The following LIPH variants were observed in gnomAD, a reference collection of about 807,000 sequenced individuals.
LIPH encodes the protein lipase H, also known as lipase member H.
Under a neutral mutation model 47.6 loss-of-function variants are expected in LIPH, and 32 were observed. That is an observed-to-expected ratio of 0.67 (90% confidence interval 0.51 to 0.90). The LOEUF (loss-of-function observed/expected upper bound fraction) is 0.90, where lower values mean the gene tolerates loss of function less well. Ranked by LOEUF, LIPH falls within the 40% of genes least tolerant of loss-of-function variation. The pLI is 0.00. For synonymous variants in LIPH, 190 were observed against 195.6 expected, an observed-to-expected ratio of 0.97 and a Z score of 0.24; for missense variants, 497 against 541.4, an observed-to-expected ratio of 0.92 and a Z score of 0.81.
chr3:185,511,738 C>T lies in LIPH; in HGVS notation c.1095-41G>A, dbSNP rs114080512. 2,269 of 1,458,276 alleles carry T rather than the reference C, an allele frequency of 1.6e-3. 24 individuals are homozygous for T. The African/African-American group carries it at 0.028, about 18-fold the overall frequency. The allele number at this position is 1,458,276 out of a possible 1,614,324, so 90.3% of individuals were successfully genotyped here. On this transcript the variant is annotated intron_variant, in intron 8 of 9. Transcript: ENST00000296252. ...AATACTGAAAAATGGATAAAGACTA[C>T]TAATGAGAGAAAGCAGTTTTGAAGC...
At chr3:185,532,049 A>G (rs911284705) in intron 3 of LIPH, among the ~76,000 whole-genome samples, 2 of 152,186 alleles carry the variant, frequency 1.3e-5, no homozygotes, top group Non-Finnish European at 2.9e-5. Flanking sequence ...AAAAATGTTC[A>G]GATAAGAATC....
intron 1 of LIPH, among the ~76,000 whole-genome samples, chr3:185,540,335 G>T (rs185219437): frequency 1.3e-3 from 200 of 152,114 alleles, no homozygotes; most frequent in African/African-American, 3.9e-3. Flanking sequence ...GTTTTATCAG[G>T]GGTTCTTTTG....
In LIPH at chr3:185,511,268, G is replaced by A. The variant is rs142118017; in HGVS notation, c.1268+256C>T. On this transcript the variant is annotated intron_variant, in intron 9 of 9. Coordinates refer to ENST00000296252, the MANE Select transcript of LIPH (RefSeq NM_139248.3). ...TTTTGTAGAGACAGGGTCTCCATAC[G>A]TTGCCCAGGCTGGCTAGAACTCCTG... Among the ~76,000 whole-genome samples, 74 of 151,578 alleles carry A rather than the reference G, an allele frequency of 4.9e-4. 1 individual carries two copies. Among genetic ancestry groups the A allele is most frequent in the Non-Finnish European group, 8.0e-4 (54 of 67,904 alleles).
chr3:185,547,822 T>C (rs1305437106), intron 1 of LIPH, among the ~76,000 whole-genome samples: 1 of 135,276 alleles, frequency 7.4e-6, no homozygotes, highest in African/African-American at 2.7e-5. Context: ...CAAAACTCCA[T>C]CTCCAAAAAA....
intron 8 of LIPH, among the ~76,000 whole-genome samples, chr3:185,512,332 C>T (rs1342695710): frequency 6.6e-6 from 1 of 151,980 alleles, no homozygotes; most frequent in Non-Finnish European, 1.5e-5. Context: ...TCCTGTTATC[C>T]AAGTGTATAG....
intron 1 of LIPH, among the ~76,000 whole-genome samples, chr3:185,547,750 G>C (rs1006834077): frequency 6.6e-6 from 1 of 151,644 alleles, no homozygotes; most frequent in African/African-American, 2.4e-5. Context: ...GCTTGAATCT[G>C]GGAGGCAGAG....
chr3:185,524,142 G>A lies in LIPH; in HGVS notation c.647C>T (p.Pro216Leu). 5.6e-6 allele frequency: 9 copies of A among 1,612,030 alleles called. No homozygotes were observed. The highest frequency in any genetic ancestry group is 7.6e-6 in the Non-Finnish European group (9 of 1,178,118). The change falls in exon 5 of 10, where the codon CCA becomes CTA. Residue 216 changes from proline (P) to leucine (L), a missense_variant. By Grantham distance (98) the Pro-to-Leu change is moderately conservative. Transcript: ENST00000296252. Reference protein sequence around the residue: ...SDTDALGYKEPLGNIDFYPNG... With the variant: ...SDTDALGYKELLGNIDFYPNG... ...TGGGTAGAAGTCTATGTTTCCTAAT[G>A]GCTCCTTGTAGCCCAGTGCTAAAAG...
At position 185,511,599 on chromosome 3, in the gene LIPH, G is replaced by A. The variant is rs145905764; in HGVS notation, c.1193C>T (p.Thr398Ile). The A allele has an allele frequency of 9.3e-6, 15 of 1,613,672 alleles. No homozygotes were observed. In the South Asian group the frequency reaches 1.5e-4, roughly 17 times the overall value. ...KVAAISLMFS[T>I]GSLIGPRYKL... The stretch of plus-strand genomic sequence containing the variant: ...GTACCTTGGGCCTATTAGAGATCCT[G>A]TAGAGAACATCAAGGAAATTGCAGC... The change falls in exon 9 of 10, where the codon ACA becomes ATA. Residue 398 changes from threonine to isoleucine, a missense_variant. Coordinates refer to ENST00000296252, the MANE Select transcript of LIPH (RefSeq NM_139248.3).
intron 1 of LIPH, among the ~76,000 whole-genome samples, chr3:185,539,770 T>C (rs1317200005): frequency 1.3e-5 from 2 of 152,230 alleles, no homozygotes; most frequent in African/African-American, 4.8e-5. Context: ...TATTAACATT[T>C]ATTGGCATAA....
intron 3 of LIPH, among the ~76,000 whole-genome samples, chr3:185,532,180 A>G (rs1051079277): frequency 6.6e-6 from 1 of 152,128 alleles, no homozygotes; most frequent in African/African-American, 2.4e-5. Context: ...CATACCCGAG[A>G]TCAACATAAA....
intron 4 of LIPH, among the ~76,000 whole-genome samples, chr3:185,524,685 G>A (rs1211786052): frequency 6.6e-6 from 1 of 151,840 alleles, no homozygotes; most frequent in Non-Finnish European, 1.5e-5. Context: ...TCCTGACCTC[G>A]CGATCTGCCC....
chr3:185,535,255 G>T, intron 1 of LIPH, 123 bp from the exon 2 acceptor site: 1 of 1,175,098 alleles, frequency 8.5e-7, no homozygotes, highest in Non-Finnish European at 1.2e-6. Context: ...CTAAGGGCTG[G>T]ATCCAGTTGA....
Position 185,536,852 on chromosome 3 carries a change from A to G in LIPH, c.50-1720T>C, listed in dbSNP as rs1720517608. Among the ~76,000 whole-genome samples the G allele has an allele frequency of 2.0e-5, 3 of 152,140 alleles. No homozygotes were observed. In the South Asian group the frequency reaches 6.2e-4, roughly 32 times the overall value. ...TAGGATTTCTGCTTTCATGAAGTTA[A>G]AGAGACTTATTTAGGACTAAAACCT... On this transcript the variant is annotated intron_variant, in intron 1 of 9. Coordinates refer to ENST00000296252, the MANE Select transcript of LIPH (RefSeq NM_139248.3).
chr3:185,543,465 T>C (rs950463625), intron 1 of LIPH, among the ~76,000 whole-genome samples: 15 of 152,214 alleles, frequency 9.9e-5, no homozygotes, highest in African/African-American at 3.4e-4. Flanking sequence ...GACAAAAATA[T>C]TGTGACCAGA....
At chr3:185,511,743 G>A (rs1296964612) in intron 8 of LIPH, 46 bp from the exon 9 acceptor site, 2 of 1,410,614 alleles carry the variant, frequency 1.4e-6, no homozygotes, top group Non-Finnish European at 2.0e-6. Context: ...GACTACTAAT[G>A]AGAGAAAGCA....
rs374510692 is a variant in LIPH at position 185,508,884 on chromosome 3, A to G, written c.1269-7T>C. ...ATACCGACACAGCTGAGGCCTGGGA[A>G]AATAAGACAAAATATCCTTGTAAAT... On this transcript the variant is annotated splice_polypyrimidine_tract_variant and splice_region_variant and intron_variant, in intron 9 of 9. Coordinates refer to ENST00000296252, the MANE Select transcript of LIPH (RefSeq NM_139248.3). 12 of 1,514,820 alleles carry G rather than the reference A, an allele frequency of 7.9e-6. No homozygotes were observed. The African/African-American group carries it at 1.5e-4, about 19-fold the overall frequency. The allele number at this position is 1,514,820 out of a possible 1,614,324, so 93.8% of individuals were successfully genotyped here.
chr3:185,529,418 C>CTT (rs550163991), intron 3 of LIPH, among the ~76,000 whole-genome samples: 24 of 135,092 alleles, frequency 1.8e-4, no homozygotes, highest in East Asian at 6.6e-4. Context: ...TTTTCTTTTT[C>CTT]TTTTTTTTTT....
chr3:185,542,890 T>C (rs1427260645), intron 1 of LIPH, among the ~76,000 whole-genome samples: 2 of 152,170 alleles, frequency 1.3e-5, no homozygotes, highest in Non-Finnish European at 2.9e-5. Context: ...TACTGCATGT[T>C]CTCACTTATA....
chr3:185,509,946 C>CTTTTTTTTTTTT (rs66966684), intron 9 of LIPH, among the ~76,000 whole-genome samples: 3 of 118,450 alleles, frequency 2.5e-5, no homozygotes, highest in Non-Finnish European at 5.3e-5. Flanking sequence ...TTTTTGTTTT[C>CTTTTTTTTTTTT]TTTTTTTTTT....
Sources: gnomAD v4.1 joint callset for allele counts (sites outside exome capture counted in the v4.1 genomes callset) on GRCh38, gnomAD v4.1.1 for gene constraint, MANE v1.5 for transcripts, NCBI Gene and HGNC (gene_info 2026-07-23, HGNC 2026-07-21) for gene names.